RBM23: variants seen among roughly 807,000 people sequenced by gnomAD.
RBM23 encodes the protein RNA binding motif protein 23.
RBM23 carries 53 observed loss-of-function variants against 56.2 expected under a neutral mutation model. That is an observed-to-expected ratio of 0.94 (90% CI 0.76 to 1.19). The LOEUF (loss-of-function observed/expected upper bound fraction) is 1.19. RBM23 is among the 50% of genes most tolerant of loss of function. The probability of loss-of-function intolerance (pLI) is 0.00; values close to 1 mark genes in which losing one functional copy is unlikely to be tolerated. For missense variants in RBM23, 642 were observed against 590.3 expected (o/e 1.09, Z -0.91); for synonymous variants, 197 against 198.5 (o/e 0.99, Z 0.06).
chr14:22,906,045 A>T, intron 5 of RBM23, 150 bp downstream of exon 5: 1 of 922,730 alleles, frequency 1.1e-6, no homozygotes, highest in Non-Finnish European at 1.6e-6. Flanking sequence ...CCACCACACC[A>T]GTAAATTTTG....
rs957833207 is a variant in RBM23, at chr14:22,896,634, A to G, written c.*5096T>C. 6.6e-6 allele frequency: 1 copy of G among 152,216 alleles called. No individual in the cohort carries two copies. The highest frequency in any genetic ancestry group is 2.4e-5 in the African/African-American group (1 of 41,448). The allele number at this position is 152,216 out of a possible 1,614,324, so 9.4% of individuals were successfully genotyped here. Reference sequence around the variant, plus strand: ...AATAACTGCTTAATGGCTCTCCAGAAACTCCAGCCAACTCCTTAAGGGCTC... The same window carrying G: ...AATAACTGCTTAATGGCTCTCCAGAGACTCCAGCCAACTCCTTAAGGGCTC... On this transcript the variant is annotated 3_prime_UTR_variant, in exon 14 of 14. Transcript: ENST00000359890.
chr14:22,899,695 A>C lies in RBM23; in HGVS notation c.*2035T>G, dbSNP rs1341222699. 1 of 151,732 alleles carries C rather than the reference A, an allele frequency of 6.6e-6. No individual in the cohort carries two copies. Among genetic ancestry groups the C allele is most frequent in the African/African-American group, 2.4e-5 (1 of 41,384 alleles). The allele number at this position is 151,732 out of a possible 1,614,324, so 9.4% of individuals were successfully genotyped here. A position where few individuals can be genotyped will look rare whatever the true frequency, so the allele number is the denominator to read the frequency against. On this transcript the variant is annotated 3_prime_UTR_variant, in exon 14 of 14. Coordinates refer to ENST00000359890, the MANE Select transcript of RBM23 (RefSeq NM_001077351.2). ...CCAGCCTACACCTCTTTTCTTTACA[A>C]ATTAGTCTGTGCTATTGTTACAGAA...
At position 22,902,055 on chromosome 14, in the gene RBM23, C is replaced by CGGT. The variant is rs779397147; in HGVS notation, c.1170_1171insACC (p.Ala390_Ala391insThr). 18 of 1,612,422 alleles carry CGGT rather than the reference C, an allele frequency of 1.1e-5. No homozygotes were observed. Among genetic ancestry groups the CGGT allele is most frequent in the East Asian group, 6.7e-5 (3 of 44,866 alleles). On this transcript the variant is annotated inframe_insertion, in exon 12 of 14. Coordinates refer to ENST00000359890, the MANE Select transcript of RBM23 (RefSeq NM_001077351.2). ...TGCAAGGCAGCAGCCTGGGCGGCGG[C>CGGT]GGCAGCAGCAGCAGCAGCAGTGCTT... is the stretch of plus-strand genomic sequence containing the variant.
At position 22,896,150 on chromosome 14, in the gene RBM23, G is replaced by A. The variant is rs941071354; in HGVS notation, c.*5580C>T. ...AAAATCAAGTGAGTAGGCATCCAGA[G>A]GAGTGAAAATACTGAGGACAGTAAT... On this transcript the variant is annotated 3_prime_UTR_variant, in exon 14 of 14. Coordinates refer to ENST00000359890, the MANE Select transcript of RBM23 (RefSeq NM_001077351.2). The A allele has an allele frequency of 2.6e-5, 4 of 152,168 alleles. No individual in the cohort carries two copies. Among genetic ancestry groups the A allele is most frequent in the South Asian group, 2.1e-4 (1 of 4,824 alleles). 9.4% of individuals were successfully genotyped at this position (152,168 alleles called of 1,614,324 possible).
intron 4 of RBM23, among the ~76,000 whole-genome samples, chr14:22,907,195 A>G (rs2041722078): frequency 6.6e-6 from 1 of 150,858 alleles, no homozygotes; most frequent in African/African-American, 2.4e-5. Flanking sequence ...CAAAAAAATT[A>G]GCCAGGCATG....
At chr14:22,908,405 T>C in intron 3 of RBM23, 25 bp from the exon 4 acceptor site, 1 of 1,248,014 alleles carries the variant, frequency 8.0e-7, no homozygotes. Flanking sequence ...ACATTCTTCT[T>C]TTTTTTTTTT....
chr14:22,897,426 G>A lies in RBM23; in HGVS notation c.*4304C>T, dbSNP rs538045027. ...AGGACAGGACTTTGATCAGCAGAAG[G>A]AGGAAAGGAAGAGAGATAGCTGGCA... On this transcript the variant is annotated 3_prime_UTR_variant, in exon 14 of 14. Coordinates refer to ENST00000359890, the MANE Select transcript of RBM23 (RefSeq NM_001077351.2). The A allele has an allele frequency of 6.6e-5, 10 of 152,194 alleles. No individual in the cohort carries two copies. The highest frequency in any genetic ancestry group is 1.0e-4 in the Non-Finnish European group (7 of 68,042). The allele number at this position is 152,194 out of a possible 1,614,324, so 9.4% of individuals were successfully genotyped here.
rs552323162 is a variant in RBM23 at position 22,895,770 on chromosome 14, G to A, written c.*5960C>T. 1 of 152,480 alleles carries A rather than the reference G, an allele frequency of 6.6e-6. No homozygotes were observed. Among genetic ancestry groups the A allele is most frequent in the East Asian group, 1.9e-4 (1 of 5,190 alleles). The allele number at this position is 152,480 out of a possible 1,614,324, so 9.4% of individuals were successfully genotyped here. A position where few individuals can be genotyped will look rare whatever the true frequency, so the allele number is the denominator to read the frequency against. On this transcript the variant is annotated 3_prime_UTR_variant, in exon 14 of 14. Transcript: ENST00000359890. ...AGCATGGGCAACAGAGCCAGACCCT[G>A]TCTCAAAACAAAACAAAACTGAGTG...
chr14:22,911,278 A>G, intron 2 of RBM23, 50 bp downstream of exon 2: 1 of 1,445,016 alleles, frequency 6.9e-7, no homozygotes, highest in South Asian at 1.2e-5. Context: ...ATGATCGACA[A>G]CTACTCTTTC....
At position 22,909,536 on chromosome 14, in the gene RBM23, G is replaced by A. The variant is rs1442969763; in HGVS notation, c.126C>T (p.Thr42=). 3.1e-6 allele frequency: 5 copies of A among 1,613,550 alleles called. No homozygotes were observed. The highest frequency in any genetic ancestry group is 4.2e-6 in the Non-Finnish European group (5 of 1,179,992). The part of the protein sequence containing the change: ...KDYPSNTTSS[T]SNSGNETSGS... ...CACTGGTCTCATTGCCACTGTTGCT[G>A]GTGCTGCTGGTGGTATTGCTAGGAT... The change falls in exon 3 of 14, where the codon ACC becomes ACT. Residue 42 remains threonine (T), a synonymous_variant. Coordinates refer to ENST00000359890, the MANE Select transcript of RBM23 (RefSeq NM_001077351.2).
chr14:22,906,631 G>C (rs1217140985), intron 4 of RBM23, among the ~76,000 whole-genome samples: 2 of 152,242 alleles, frequency 1.3e-5, no homozygotes, highest in African/African-American at 4.8e-5. Flanking sequence ...CATGAAGATA[G>C]AAAGACTAGT....
At position 22,906,254 on chromosome 14, in the gene RBM23, T is replaced by A. The variant is rs755147066; in HGVS notation, c.342A>T (p.Arg114=). ...GATCCTCACGACGATGGTCCCGACTTCGCGACTCACTACCATGTCGACGAT... is the reference window on the plus strand; with the variant it reads ...GATCCTCACGACGATGGTCCCGACTACGCGACTCACTACCATGTCGACGAT... ...SWDRRHGSES[R]SRDHRREDRV... Residue 114 remains arginine (R), a synonymous_variant, in exon 5 of 14, where the codon CGA becomes CGT. Transcript: ENST00000359890. The A allele has an allele frequency of 4.3e-6, 7 of 1,614,240 alleles. No individual in the cohort carries two copies. Among genetic ancestry groups the A allele is most frequent in the Non-Finnish European group, 5.1e-6 (6 of 1,180,042 alleles).
rs578211313 is a variant in RBM23, at chr14:22,899,399, G to C, written c.*2331C>G. Reference sequence around the variant, plus strand: ...GAGAAATACACTTTTCTGTTTTTTTGAGATGGAGGCTCGCTCTGTTGCCCA... The same window carrying C: ...GAGAAATACACTTTTCTGTTTTTTTCAGATGGAGGCTCGCTCTGTTGCCCA... On this transcript the variant is annotated 3_prime_UTR_variant, in exon 14 of 14. Transcript: ENST00000359890. 1 of 152,304 alleles carries C rather than the reference G, an allele frequency of 6.6e-6. No individual in the cohort carries two copies. Among genetic ancestry groups the C allele is most frequent in the Non-Finnish European group, 1.5e-5 (1 of 68,110 alleles). 9.4% of individuals were successfully genotyped at this position (152,304 alleles called of 1,614,324 possible).
rs138738394 is a variant in RBM23, at chr14:22,902,724, T to C, written c.931-342A>G. On this transcript the variant is annotated intron_variant, in intron 10 of 13. Coordinates refer to ENST00000359890, the MANE Select transcript of RBM23 (RefSeq NM_001077351.2). The stretch of plus-strand genomic sequence containing the variant: ...GCTAAGAACAAGGCTCCTGGGCTTT[T>C]AATTCAGTTCTCTATCCTAGTAAGT... 21 of 995,596 alleles carry C rather than the reference T, an allele frequency of 2.1e-5. No homozygotes were observed. The East Asian group carries it at 6.5e-4, about 31-fold the overall frequency. 61.7% of individuals were successfully genotyped at this position (995,596 alleles called of 1,614,324 possible).
At chr14:22,912,302 G>A (rs1566586347) in intron 1 of RBM23, among the ~76,000 whole-genome samples, 1 of 152,104 alleles carries the variant, frequency 6.6e-6, no homozygotes, top group Non-Finnish European at 1.5e-5. Flanking sequence ...CTTCCTCTCC[G>A]CATACCCTGA....
chr14:22,894,749 A>C lies in RBM23; in HGVS notation c.*6981T>G, dbSNP rs1418053920. 1.4e-5 allele frequency: 2 copies of C among 138,816 alleles called. No homozygotes were observed. The highest frequency in any genetic ancestry group is 5.5e-5 in the African/African-American group (2 of 36,494). 8.6% of individuals were successfully genotyped at this position (138,816 alleles called of 1,614,324 possible). ...GACTCTGTCTCAGAAAAATACATAA[A>C]TAAGGCCCAGCCGGGCGCAGTGGCT... On this transcript the variant is annotated 3_prime_UTR_variant, in exon 14 of 14. Transcript: ENST00000359890.
At chr14:22,910,592 G>C (rs2042342299) in intron 2 of RBM23, among the ~76,000 whole-genome samples, 1 of 152,014 alleles carries the variant, frequency 6.6e-6, no homozygotes, top group African/African-American at 2.4e-5. Flanking sequence ...TGTTAAGTGG[G>C]CCAGGTGCAG....
At chr14:22,904,477 G>GAA in intron 9 of RBM23, 151 bp from the exon 10 acceptor site, 1 of 648,434 alleles carries the variant, frequency 1.5e-6, no homozygotes, top group Non-Finnish European at 2.5e-6. Context: ...CCTTGTCTCG[G>GAA]AAAAAAAAAG....
chr14:22,906,902 G>A (rs1050950339), intron 4 of RBM23, among the ~76,000 whole-genome samples: 1 of 152,144 alleles, frequency 6.6e-6, no homozygotes, highest in Admixed American at 6.6e-5. Context: ...GACCAGGCAC[G>A]GTGGCTCACG....
Sources: allele counts gnomAD v4.1 joint callset (sites outside exome capture counted in the v4.1 genomes callset), GRCh38; gene constraint gnomAD v4.1.1; transcripts MANE v1.5; gene names NCBI Gene and HGNC (gene_info 2026-07-23, HGNC 2026-07-21).